Variants in COL26A1 observed in about 807,000 individuals in gnomAD.
The protein encoded by COL26A1 is collagen alpha-1(XXVI) chain.
In COL26A1, 41 loss-of-function variants were observed where a neutral mutation model predicts 59.3. The ratio of observed to expected loss-of-function variants is 0.69; its 90% CI spans 0.54 to 0.90. The LOEUF (loss-of-function observed/expected upper bound fraction) is 0.90. COL26A1 is among the 40% of genes least tolerant of loss of function. The pLI is 0.00. For missense variants in COL26A1, 612 were observed against 602.3 expected (o/e 1.02, Z -0.17); for synonymous variants, 266 against 256.0 (o/e 1.04, Z -0.37).
intron 3 of COL26A1, among the ~76,000 whole-genome samples, chr7:101,488,079 C>T (rs1262787696): frequency 2.0e-5 from 3 of 151,134 alleles, no homozygotes; most frequent in Non-Finnish European, 4.4e-5. Context: ...TCAAGACCAC[C>T]CTGGCCAACA....
Position 101,541,759 on chromosome 7 carries a change from T to C in COL26A1, c.604+1710T>C, listed in dbSNP as rs186779537. Among the ~76,000 whole-genome samples, 211 of 152,216 alleles carry C rather than the reference T, an allele frequency of 1.4e-3. 1 individual carries two copies. Among genetic ancestry groups the C allele is most frequent in the African/African-American group, 4.9e-3 (204 of 41,536 alleles). On this transcript the variant is annotated intron_variant, in intron 5 of 12. Coordinates refer to ENST00000313669, the MANE Select transcript of COL26A1 (RefSeq NM_001278563.3). ...TAATTACCTTTGCTTTAATCACAAT[T>C]GTAATAATCATAGTTGCAATCGATG...
At chr7:101,461,826 G>A (rs117557348) in intron 3 of COL26A1, among the ~76,000 whole-genome samples, 5 of 152,074 alleles carry the variant, frequency 3.3e-5, no homozygotes, top group Non-Finnish European at 5.9e-5. Context: ...TCAAGGTCTC[G>A]TCCACAGTGT....
intron 1 of COL26A1, among the ~76,000 whole-genome samples, chr7:101,363,549 T>TGGC (rs1562948151): frequency 2.2e-4 from 23 of 105,682 alleles, no homozygotes; most frequent in Non-Finnish European, 3.2e-4. Flanking sequence ...GCGGCGGGGG[T>TGGC]TGGGGGCTGC....
At chr7:101,398,722 C>T (rs970691641) in intron 1 of COL26A1, among the ~76,000 whole-genome samples, 1 of 152,200 alleles carries the variant, frequency 6.6e-6, no homozygotes, top group South Asian at 2.1e-4. Flanking sequence ...GTCCCCTCCC[C>T]AGTTATCACT....
intron 3 of COL26A1, among the ~76,000 whole-genome samples, chr7:101,513,478 C>T (rs1259910514): frequency 6.6e-6 from 1 of 151,946 alleles, no homozygotes; most frequent in Non-Finnish European, 1.5e-5. Context: ...AGGCATGTGT[C>T]ACCGTGCCCA....
intron 3 of COL26A1, among the ~76,000 whole-genome samples, chr7:101,518,426 G>A (rs2062224307): frequency 6.6e-6 from 1 of 152,150 alleles, no homozygotes; most frequent in African/African-American, 2.4e-5. Flanking sequence ...CCTTGGGCTT[G>A]GAGCACCATT....
chr7:101,438,399 A>G (rs969167081), intron 2 of COL26A1, among the ~76,000 whole-genome samples: 1 of 151,556 alleles, frequency 6.6e-6, no homozygotes, highest in African/African-American at 2.4e-5. Context: ...ACAACAAAAA[A>G]GCATCACTTG....
chr7:101,495,279 C>G (rs1794557179), intron 3 of COL26A1, among the ~76,000 whole-genome samples: 1 of 152,130 alleles, frequency 6.6e-6, no homozygotes, highest in Non-Finnish European at 1.5e-5. Flanking sequence ...TCAGAGCTTT[C>G]CAAAACATGT....
At chr7:101,468,385 A>G (rs148010235) in intron 3 of COL26A1, among the ~76,000 whole-genome samples, 2 of 152,158 alleles carry the variant, frequency 1.3e-5, no homozygotes, top group East Asian at 3.9e-4. Context: ...TACCCCCACT[A>G]TCTGCCTAAA....
chr7:101,409,196 C>G (rs1383435815), intron 1 of COL26A1, among the ~76,000 whole-genome samples: 5 of 152,194 alleles, frequency 3.3e-5, no homozygotes, highest in Non-Finnish European at 5.9e-5. Context: ...ACTCAACTCT[C>G]ATCTCACTGG....
Position 101,452,751 on chromosome 7 carries a change from A to C in COL26A1, c.385+4964A>C, listed in dbSNP as rs185675769. ...CACATAGAAAAGGTACAGTACAAAT[A>C]TATTATTATTATTATTTATTAATTT... On this transcript the variant is annotated intron_variant, in intron 3 of 12. Transcript: ENST00000313669. Among the ~76,000 whole-genome samples, 259 of 151,992 alleles carry C rather than the reference A, an allele frequency of 1.7e-3. 3 individuals are homozygous for C. Among genetic ancestry groups the C allele is most frequent in the African/African-American group, 5.8e-3 (240 of 41,484 alleles).
Position 101,545,410 on chromosome 7 carries a change from G to T in COL26A1, c.776G>T (p.Gly259Val). The T allele has an allele frequency of 6.2e-7, 1 of 1,606,956 alleles. No individual in the cohort carries two copies. ...CGCCCCGGCCCCCCAGGACCACCCG[G>T]CCCAGCAGGCAACCCAGGCCCCTCA... Reference protein sequence around the residue: ...MGRPGPPGPPGPAGNPGPSPN... With the variant: ...MGRPGPPGPPVPAGNPGPSPN... The change falls in exon 7 of 13, where the codon GGC (glycine) becomes GTC (valine). Residue 259 changes from glycine (G) to valine (V), a missense_variant. Transcript: ENST00000313669.
chr7:101,533,215 C>T, intron 4 of COL26A1, 72 bp downstream of exon 4: 1 of 1,157,022 alleles, frequency 8.6e-7, no homozygotes, highest in Non-Finnish European at 1.3e-6. Flanking sequence ...AGGCATCAGG[C>T]AACCACTGGG....
At chr7:101,518,723 T>C (rs1294217221) in intron 3 of COL26A1, among the ~76,000 whole-genome samples, 1 of 152,196 alleles carries the variant, frequency 6.6e-6, no homozygotes, top group African/African-American at 2.4e-5. Flanking sequence ...AAGATAAACA[T>C]GTACAGTGAT....
chr7:101,383,800 G>A (rs1459848693), intron 1 of COL26A1, among the ~76,000 whole-genome samples: 1 of 152,182 alleles, frequency 6.6e-6, no homozygotes, highest in East Asian at 1.9e-4. Flanking sequence ...CTCCCAAAGT[G>A]CTGGGATTAC....
intron 1 of COL26A1, among the ~76,000 whole-genome samples, chr7:101,401,075 C>G (rs1791985741): frequency 6.6e-6 from 1 of 152,164 alleles, no homozygotes; most frequent in Admixed American, 6.6e-5. Context: ...GTCACCGAGT[C>G]CCTGGCTTGG....
chr7:101,428,651 G>T (rs1187783907), intron 2 of COL26A1, among the ~76,000 whole-genome samples: 7 of 152,120 alleles, frequency 4.6e-5, no homozygotes, highest in African/African-American at 1.7e-4. Context: ...TGTGGTTTTT[G>T]CAGTCTTTTG....
chr7:101,425,374 C>T (rs980968438), intron 2 of COL26A1, among the ~76,000 whole-genome samples: 1 of 152,126 alleles, frequency 6.6e-6, no homozygotes, highest in Non-Finnish European at 1.5e-5. Context: ...GTCTGGGAGC[C>T]TTAGGAGGTC....
At chr7:101,554,918 G>A in intron 11 of COL26A1, among the ~76,000 whole-genome samples, 1 of 152,122 alleles carries the variant, frequency 6.6e-6, no homozygotes, top group African/African-American at 2.4e-5. Context: ...ATTGTCTTTG[G>A]TCCCCTGGTG....
Sources: gnomAD v4.1 joint callset for allele counts (sites outside exome capture counted in the v4.1 genomes callset) on GRCh38, gnomAD v4.1.1 for gene constraint, MANE v1.5 for transcripts, NCBI Gene and HGNC (gene_info 2026-07-23, HGNC 2026-07-21) for gene names.